The following SUSD6 variants were observed in gnomAD, a reference collection of about 807,000 sequenced individuals.
The protein encoded by SUSD6 is sushi domain-containing protein 6.
A neutral mutation model predicts 28.4 loss-of-function variants in SUSD6; 16 were observed. The observed-to-expected ratio is 0.56, with a 90% CI of 0.38 to 0.86. SUSD6 has a LOEUF of 0.86. Among genes scored for constraint, SUSD6 ranks in the 40% least tolerant of loss-of-function variants. SUSD6 has a pLI of 0.00. For missense variants in SUSD6, 341 were observed against 384.2 expected, an observed-to-expected ratio of 0.89 and a Z score of 0.94; for synonymous variants, 147 against 159.6, an observed-to-expected ratio of 0.92 and a Z score of 0.59.
At chr14:69,649,742 A>G (rs965498139) in intron 1 of SUSD6, among the ~76,000 whole-genome samples, 5 of 152,220 alleles carry the variant, frequency 3.3e-5, no homozygotes, top group East Asian at 1.9e-4. Context: ...TTCCTGGTCC[A>G]GGCAGGGATG....
At chr14:69,612,813 G>C (rs1400213183) in intron 1 of SUSD6, among the ~76,000 whole-genome samples, 3 of 152,060 alleles carry the variant, frequency 2.0e-5, no homozygotes, top group Non-Finnish European at 4.4e-5. Context: ...TTAGGCCTAG[G>C]GATTTACTCC....
intron 3 of SUSD6, 26 bp downstream of exon 3, chr14:69,703,618 T>C (rs1402783550): frequency 1.9e-6 from 3 of 1,604,466 alleles, no homozygotes; most frequent in East Asian, 4.5e-5. Flanking sequence ...GAAAAAGGGA[T>C]GCTGCTGGGG....
intron 1 of SUSD6, among the ~76,000 whole-genome samples, chr14:69,634,703 C>T (rs1471369323): frequency 6.6e-6 from 1 of 152,236 alleles, no homozygotes; most frequent in African/African-American, 2.4e-5. Context: ...GTGATTGTAG[C>T]TTGTATGAAA....
chr14:69,676,179 C>G (rs1221241113), intron 2 of SUSD6, among the ~76,000 whole-genome samples: 1 of 151,976 alleles, frequency 6.6e-6, no homozygotes, highest in African/African-American at 2.4e-5. Flanking sequence ...GGAGGCTTCC[C>G]CAGAAGAGCC....
intron 1 of SUSD6, among the ~76,000 whole-genome samples, chr14:69,623,239 G>A (rs1238216541): frequency 2.6e-5 from 4 of 152,112 alleles, no homozygotes; most frequent in African/African-American, 9.7e-5. Flanking sequence ...ACAAAAATAC[G>A]AACATGTGCA....
At chr14:69,661,422 A>C (rs577154233) in intron 2 of SUSD6, among the ~76,000 whole-genome samples, 1 of 152,004 alleles carries the variant, frequency 6.6e-6, no homozygotes, top group South Asian at 2.1e-4. Context: ...GTGTGGGCTC[A>C]GACCAGGATG....
rs201299600 is a variant in SUSD6 at position 69,641,759 on chromosome 14, T to A, written c.-80-16754T>A. 2.9e-3 allele frequency among the ~76,000 whole-genome samples: 433 copies of A among 146,934 alleles called. 10 individuals are homozygous for A. In the East Asian group the frequency reaches 0.039, roughly 13 times the overall value. On this transcript the variant is annotated intron_variant, in intron 1 of 5. Coordinates refer to ENST00000342745, the MANE Select transcript of SUSD6 (RefSeq NM_014734.4). The stretch of plus-strand genomic sequence containing the variant: ...TGCATGCCACTACACCCAGATAATT[T>A]AAAAAAAATTTTTTTTTTTTTGTAG...
chr14:69,614,583 C>G (rs1884931515), intron 1 of SUSD6, among the ~76,000 whole-genome samples: 1 of 152,220 alleles, frequency 6.6e-6, no homozygotes, highest in African/African-American at 2.4e-5. Flanking sequence ...TTGTCCATTT[C>G]CCACATAAAA....
intron 1 of SUSD6, among the ~76,000 whole-genome samples, chr14:69,645,079 A>G (rs1264729879): frequency 1.3e-5 from 2 of 152,190 alleles, no homozygotes; most frequent in Non-Finnish European, 2.9e-5. Context: ...GACAGGAGGA[A>G]TCATGGTTTG....
intron 2 of SUSD6, among the ~76,000 whole-genome samples, chr14:69,692,982 C>A (rs1886173943): frequency 6.6e-6 from 1 of 152,132 alleles, no homozygotes; most frequent in Non-Finnish European, 1.5e-5. Flanking sequence ...GTGACAATGG[C>A]TGATGAGGAA....
In SUSD6 at chr14:69,637,213, G is replaced by A. The variant is rs1294573451; in HGVS notation, c.-80-21300G>A. ...TCTGGCTAATACCTTCTAAAGCCAG[G>A]TATCAGCTTAGACTGCCGCTTGCCC... On this transcript the variant is annotated intron_variant, in intron 1 of 5. Coordinates refer to ENST00000342745, the MANE Select transcript of SUSD6 (RefSeq NM_014734.4). Among the ~76,000 whole-genome samples, 3 of 152,214 alleles carry A rather than the reference G, an allele frequency of 2.0e-5. No individual in the cohort carries two copies. The East Asian group carries it at 5.8e-4, about 29-fold the overall frequency.
intron 2 of SUSD6, among the ~76,000 whole-genome samples, chr14:69,700,275 C>T (rs575756921): frequency 6.6e-6 from 1 of 152,312 alleles, no homozygotes; most frequent in African/African-American, 2.4e-5. Context: ...CACTATCTGC[C>T]TAAATAATTT....
intron 2 of SUSD6, among the ~76,000 whole-genome samples, chr14:69,668,410 A>G (rs1333123970): frequency 6.6e-6 from 1 of 151,966 alleles, no homozygotes; most frequent in Non-Finnish European, 1.5e-5. Flanking sequence ...TGAGGCGGGT[A>G]TATCATTTGA....
chr14:69,647,436 T>C (rs1885443817), intron 1 of SUSD6, among the ~76,000 whole-genome samples: 1 of 152,104 alleles, frequency 6.6e-6, no homozygotes, highest in African/African-American at 2.4e-5. Context: ...ATGGTGCTCA[T>C]GGGAGTACAG....
At chr14:69,683,252 T>C (rs1337736105) in intron 2 of SUSD6, among the ~76,000 whole-genome samples, 1 of 151,968 alleles carries the variant, frequency 6.6e-6, no homozygotes, top group Non-Finnish European at 1.5e-5. Context: ...AGCATTTAGT[T>C]TATATATGTT....
In SUSD6 at chr14:69,677,675, G is replaced by T. The variant is rs561546574; in HGVS notation, c.121+18962G>T. Among the ~76,000 whole-genome samples, 24 of 152,262 alleles carry T rather than the reference G, an allele frequency of 1.6e-4. No individual in the cohort carries two copies. In the South Asian group the frequency reaches 4.8e-3, roughly 30 times the overall value. On this transcript the variant is annotated intron_variant, in intron 2 of 5. Coordinates refer to ENST00000342745, the MANE Select transcript of SUSD6 (RefSeq NM_014734.4). ...TGGAGACAGCTGCATGGTCAATCAGGGGGTGAGTAGAAACAGATCTGCCAG... is the reference window on the plus strand; with the variant it reads ...TGGAGACAGCTGCATGGTCAATCAGTGGGTGAGTAGAAACAGATCTGCCAG...
At chr14:69,669,861 G>A (rs1193650165) in intron 2 of SUSD6, among the ~76,000 whole-genome samples, 1 of 151,454 alleles carries the variant, frequency 6.6e-6, no homozygotes, top group Non-Finnish European at 1.5e-5. Flanking sequence ...TCTTTCTCTT[G>A]GGAGGATGTC....
chr14:69,683,822 G>C (rs1014312838), intron 2 of SUSD6, among the ~76,000 whole-genome samples: 1 of 152,238 alleles, frequency 6.6e-6, no homozygotes, highest in Non-Finnish European at 1.5e-5. Context: ...TATGCCTCCA[G>C]GTGGGCTGCA....
In SUSD6 at chr14:69,703,565, A is replaced by G. The variant is rs1326352549; in HGVS notation, c.292A>G (p.Met98Val). The change falls in exon 3 of 6, where the codon ATG becomes GTG. Residue 98 changes from methionine (M) to valine (V), a missense_variant. Coordinates refer to ENST00000342745, the MANE Select transcript of SUSD6 (RefSeq NM_014734.4). ...TAAGAATGGCGAGTGGAAACCAGCCATGGAGATTAGCTGCCGTCTCAACGA... is the reference window on the plus strand; with the variant it reads ...TAAGAATGGCGAGTGGAAACCAGCCGTGGAGATTAGCTGCCGTCTCAACGA... ...TCKNGEWKPA[M>V]EISCRLNEDK... 3.1e-6 allele frequency: 5 copies of G among 1,614,110 alleles called. No individual in the cohort carries two copies. The highest frequency in any genetic ancestry group is 4.2e-6 in the Non-Finnish European group (5 of 1,180,044).
Sources: allele counts gnomAD v4.1 joint callset (sites outside exome capture counted in the v4.1 genomes callset), GRCh38; gene constraint gnomAD v4.1.1; transcripts MANE v1.5; gene names NCBI Gene and HGNC (gene_info 2026-07-23, HGNC 2026-07-21).